Variants in SLCO1B3 observed in about 807,000 individuals in gnomAD.
SLCO1B3 encodes the protein solute carrier organic anion transporter family member 1B3, also known as liver-specific organic anion transporter 2.
Under a neutral mutation model 71.8 loss-of-function variants are expected in SLCO1B3, and 72 were observed. The observed-to-expected ratio is 1.00, with a 90% CI of 0.83 to 1.22. The LOEUF (loss-of-function observed/expected upper bound fraction) is 1.22. SLCO1B3 is among the 50% of genes most tolerant of loss of function. SLCO1B3 has a pLI of 0.00. For synonymous variants in SLCO1B3, 298 were observed against 278.4 expected, an observed-to-expected ratio of 1.07 and a Z score of -0.70; for missense variants, 911 against 819.7, an observed-to-expected ratio of 1.11 and a Z score of -1.36.
chr12:20,886,379 G>T (rs540009666), intron 13 of SLCO1B3, among the ~76,000 whole-genome samples: 1 of 152,142 alleles, frequency 6.6e-6, no homozygotes, highest in South Asian at 2.1e-4. Context: ...GCCACATTGA[G>T]ATCTTCTAGG....
At chr12:20,851,193 G>T (rs560519701) in intron 3 of SLCO1B3, among the ~76,000 whole-genome samples, 3 of 152,262 alleles carry the variant, frequency 2.0e-5, no homozygotes, top group African/African-American at 7.2e-5. Flanking sequence ...CACAGAAGAA[G>T]GATTGATGGC....
chr12:20,881,786 CACAAGTTGCATA>C (rs1865698757), intron 12 of SLCO1B3, among the ~76,000 whole-genome samples: 2 of 152,126 alleles, frequency 1.3e-5, no homozygotes, highest in Admixed American at 1.3e-4. Context: ...TTCAACATCT[CACAAGTTGCATA>C]ACTATTTTTC....
chr12:20,842,710 A>G (rs1487130410), intron 3 of SLCO1B3, among the ~76,000 whole-genome samples: 4 of 152,174 alleles, frequency 2.6e-5, no homozygotes, highest in Non-Finnish European at 4.4e-5. Flanking sequence ...TATTATGCCA[A>G]TTTACTCCCT....
At position 20,815,750 on chromosome 12, in the gene SLCO1B3, T is replaced by A; in HGVS notation, c.12T>A (p.His4Gln). The A allele has an allele frequency of 6.3e-7, 1 of 1,589,718 alleles. No homozygotes were observed. Among genetic ancestry groups the A allele is most frequent in the South Asian group, 1.1e-5 (1 of 87,886 alleles). The change falls in exon 3 of 16, where the codon CAT (histidine) becomes CAA (glutamine). Residue 4 changes from histidine to glutamine, a missense_variant. Transcript: ENST00000381545. MDQ[H>Q]QHLNKTAESA... ...TCTGTAGTTTAATAATGGACCAACA[T>A]CAACATTTGAATAAAACAGCAGAGT...
chr12:20,869,329 A>G (rs550221141), intron 8 of SLCO1B3, among the ~76,000 whole-genome samples: 2 of 152,176 alleles, frequency 1.3e-5, no homozygotes, highest in Non-Finnish European at 2.9e-5. Flanking sequence ...TCTTTTGGTC[A>G]CTTCTCACTG....
In SLCO1B3 at chr12:20,834,847, A is replaced by G. The variant is rs565384264; in HGVS notation, c.84+19025A>G. Among the ~76,000 whole-genome samples the G allele has an allele frequency of 3.4e-4, 51 of 152,212 alleles. 1 individual carries two copies. In the South Asian group the frequency reaches 0.011, roughly 32 times the overall value. Reference sequence around the variant, plus strand: ...TCTGGAGGATCGTAGCCCTCTTCTCACAGCTCCACTAGGCAGTGCCCCAGT... The same window carrying G: ...TCTGGAGGATCGTAGCCCTCTTCTCGCAGCTCCACTAGGCAGTGCCCCAGT... On this transcript the variant is annotated intron_variant, in intron 3 of 15. Coordinates refer to ENST00000381545, the MANE Select transcript of SLCO1B3 (RefSeq NM_019844.4).
intron 15 of SLCO1B3, among the ~76,000 whole-genome samples, chr12:20,912,644 C>T (rs1866408444): frequency 6.6e-6 from 1 of 151,744 alleles, no homozygotes; most frequent in Non-Finnish European, 1.5e-5. Flanking sequence ...CTACCTCAGC[C>T]TCCTGAATAG....
At chr12:20,899,816 A>G (rs547680922) in intron 14 of SLCO1B3, among the ~76,000 whole-genome samples, 1 of 152,328 alleles carries the variant, frequency 6.6e-6, no homozygotes, top group South Asian at 2.1e-4. Flanking sequence ...GAATTTTGCC[A>G]TTCTAATTGT....
intron 10 of SLCO1B3, among the ~76,000 whole-genome samples, chr12:20,878,427 A>G (rs1425744288): frequency 6.6e-6 from 1 of 152,130 alleles, no homozygotes; most frequent in Non-Finnish European, 1.5e-5. Flanking sequence ...TATTTTAGAG[A>G]GGTTTATTTT....
chr12:20,840,286 G>C (rs984035224), intron 3 of SLCO1B3, among the ~76,000 whole-genome samples: 3 of 152,120 alleles, frequency 2.0e-5, no homozygotes, highest in Admixed American at 1.3e-4. Context: ...TAATGTGTTG[G>C]TAAGGCACAG....
intron 5 of SLCO1B3, among the ~76,000 whole-genome samples, chr12:20,859,211 A>G (rs974091714): frequency 2.6e-5 from 4 of 152,228 alleles, no homozygotes; most frequent in African/African-American, 9.6e-5. Context: ...AAGAGTGCAC[A>G]CAGGCTGAGC....
intron 3 of SLCO1B3, among the ~76,000 whole-genome samples, chr12:20,836,446 G>T (rs965177048): frequency 1.4e-4 from 22 of 151,928 alleles, no homozygotes; most frequent in Non-Finnish European, 4.4e-5. Context: ...GAGTGATATT[G>T]GTCTACATTT....
At chr12:20,892,896 A>G (rs577089471) in intron 13 of SLCO1B3, among the ~76,000 whole-genome samples, 1 of 152,276 alleles carries the variant, frequency 6.6e-6, no homozygotes, top group Non-Finnish European at 1.5e-5. Context: ...CTCTTTGTAT[A>G]TAGGTTCAGA....
intron 10 of SLCO1B3, 58 bp from the exon 11 acceptor site, chr12:20,879,378 C>A: frequency 8.2e-7 from 1 of 1,220,760 alleles, no homozygotes; most frequent in Non-Finnish European, 1.2e-6. Flanking sequence ...TATATAAAGA[C>A]ATATCAGAAA....
At chr12:20,833,887 CAA>C (rs1490937970) in intron 3 of SLCO1B3, among the ~76,000 whole-genome samples, 7 of 101,158 alleles carry the variant, frequency 6.9e-5, no homozygotes, top group African/African-American at 1.9e-4. Context: ...TGTATGTATA[CAA>C]TATATATATT....
At chr12:20,817,914 G>A (rs1864221210) in intron 3 of SLCO1B3, among the ~76,000 whole-genome samples, 1 of 152,120 alleles carries the variant, frequency 6.6e-6, no homozygotes, top group African/African-American at 2.4e-5. Flanking sequence ...TTCTAGAGTG[G>A]CAGTTTGGGG....
intron 1 of SLCO1B3, 136 bp downstream of exon 1, chr12:20,810,900 T>C (rs1029609111): frequency 6.6e-6 from 1 of 152,182 alleles, no homozygotes; most frequent in Non-Finnish European, 1.5e-5. Flanking sequence ...ACACTTTTGT[T>C]CTGAGCCCTT....
intron 15 of SLCO1B3, among the ~76,000 whole-genome samples, chr12:20,904,861 C>G (rs771598273): frequency 1.4e-5 from 2 of 143,292 alleles, no homozygotes; most frequent in African/African-American, 2.6e-5. Flanking sequence ...GTAACCACCG[C>G]CTCCTGGGTT....
chr12:20,912,116 T>C (rs1227720002), intron 15 of SLCO1B3, among the ~76,000 whole-genome samples: 1 of 152,010 alleles, frequency 6.6e-6, no homozygotes, highest in Non-Finnish European at 1.5e-5. Context: ...CAAAATATTT[T>C]TAAATTTCTC....
Sources: allele counts gnomAD v4.1 joint callset (sites outside exome capture counted in the v4.1 genomes callset), GRCh38; gene constraint gnomAD v4.1.1; transcripts MANE v1.5; gene names NCBI Gene and HGNC (gene_info 2026-07-23, HGNC 2026-07-21).